The following CRAMP1 variants were observed in gnomAD, a reference collection of about 807,000 sequenced individuals.
CRAMP1 encodes protein cramped-like.
In CRAMP1, 50 loss-of-function variants were observed where a neutral mutation model predicts 115.4. The observed-to-expected ratio is 0.43, with a 90% CI of 0.35 to 0.55. The LOEUF (loss-of-function observed/expected upper bound fraction) is 0.55. Among genes scored for constraint, CRAMP1 ranks in the 20% least tolerant of loss-of-function variants. CRAMP1 has a pLI of 0.01. For synonymous variants in CRAMP1, 866 were observed against 745.4 expected (o/e 1.16, Z -2.64); for missense variants, 1,679 against 1,721.7 (o/e 0.98, Z 0.44).
chr16:1,631,301 C>A (rs1045606691), intron 3 of CRAMP1, among the ~76,000 whole-genome samples: 5 of 152,230 alleles, frequency 3.3e-5, no homozygotes, highest in African/African-American at 1.2e-4. Flanking sequence ...CTTTCTCGCC[C>A]CGTTGGTTCC....
At chr16:1,645,982 C>T (rs772814030) in intron 6 of CRAMP1, among the ~76,000 whole-genome samples, 5 of 152,182 alleles carry the variant, frequency 3.3e-5, no homozygotes, top group Non-Finnish European at 7.3e-5. Flanking sequence ...TCTCCGTTCC[C>T]TGTAATTTTG....
Position 1,614,985 on chromosome 16 carries a change from G to A in CRAMP1, c.346G>A (p.Gly116Arg). The change falls in exon 2 of 21, where the codon GGA (glycine) becomes AGA (arginine). Residue 116 changes from glycine (G) to arginine (R), a missense_variant and splice_region_variant. Transcript: ENST00000397412. The surrounding 1 kb of genome is among the most constrained non-coding windows in gnomAD (Gnocchi z 4.4). ...NAGGSGPRGK[G>R]AEGGGSSSGN... Reference sequence around the variant, plus strand: ...CGGTGGCTCGGGGCCCCGCGGAAAAGGTAGGGCGGCCCGTCCCCTTGGGAG... The same window carrying A: ...CGGTGGCTCGGGGCCCCGCGGAAAAAGTAGGGCGGCCCGTCCCCTTGGGAG... 2 of 1,251,482 alleles carry A rather than the reference G, an allele frequency of 1.6e-6. No individual in the cohort carries two copies. Among genetic ancestry groups the A allele is most frequent in the Non-Finnish European group, 2.0e-6 (2 of 997,162 alleles). The allele number at this position is 1,251,482 out of a possible 1,614,324, so 77.5% of individuals were successfully genotyped here.
chr16:1,616,017 G>T (rs567279032), intron 2 of CRAMP1, among the ~76,000 whole-genome samples: 1 of 152,160 alleles, frequency 6.6e-6, no homozygotes, highest in African/African-American at 2.4e-5. Flanking sequence ...TTCTCCTGCC[G>T]CATTCTCAAC....
intron 6 of CRAMP1, among the ~76,000 whole-genome samples, chr16:1,649,827 C>T (rs1177222167): frequency 2.9e-5 from 3 of 102,882 alleles, no homozygotes; most frequent in African/African-American, 1.2e-4. Flanking sequence ...GAGTTTCACT[C>T]TTGTTGCCCA....
intron 2 of CRAMP1, among the ~76,000 whole-genome samples, chr16:1,619,419 G>T (rs1161502847): frequency 1.3e-5 from 2 of 152,286 alleles, no homozygotes; most frequent in African/African-American, 4.8e-5. Flanking sequence ...GAGCTCAGGT[G>T]ATCCGCCTGC....
At chr16:1,665,250 G>T (rs2036864513) in intron 14 of CRAMP1, 112 bp downstream of exon 14, 1 of 750,112 alleles carries the variant, frequency 1.3e-6, no homozygotes, top group Non-Finnish European at 2.4e-6. Flanking sequence ...GCATTCCTTT[G>T]TCCATTCTAC....
intron 18 of CRAMP1, 149 bp from the exon 19 acceptor site, chr16:1,668,852 G>A (rs1021103397): frequency 1.9e-5 from 14 of 731,832 alleles, no homozygotes; most frequent in South Asian, 1.0e-4. Flanking sequence ...GCGGTGCTGC[G>A]CTCCTTACCT....
intron 3 of CRAMP1, among the ~76,000 whole-genome samples, chr16:1,627,555 A>G (rs957913540): frequency 1.3e-5 from 2 of 152,224 alleles, no homozygotes; most frequent in Non-Finnish European, 2.9e-5. Flanking sequence ...AAATGTGGGC[A>G]TGAGACTTGA....
chr16:1,613,656 G>A (rs1567443895), intron 1 of CRAMP1, among the ~76,000 whole-genome samples: 1 of 152,136 alleles, frequency 6.6e-6, no homozygotes, highest in African/African-American at 2.4e-5. Context: ...ACTGCACTTT[G>A]TTGTTGACAT....
Position 1,656,448 on chromosome 16 carries a change from A to G in CRAMP1, c.1691A>G (p.Tyr564Cys), listed in dbSNP as rs1336683765. 6.3e-7 allele frequency: 1 copy of G among 1,583,628 alleles called. No individual in the cohort carries two copies. The highest frequency in any genetic ancestry group is 8.6e-7 in the Non-Finnish European group (1 of 1,165,558). ...ELSLLDPLPRYLKSCQDLIVP... is the reference protein window; with the variant it reads ...ELSLLDPLPRCLKSCQDLIVP... Reference sequence around the variant, plus strand: ...TCGCTTCTAGACCCCTTGCCCCGCTACCTAAAGTCCTGTCAGGACCTCATT... The same window carrying G: ...TCGCTTCTAGACCCCTTGCCCCGCTGCCTAAAGTCCTGTCAGGACCTCATT... Residue 564 changes from tyrosine to cysteine, a missense_variant, in exon 10 of 21, where the codon TAC (tyrosine) becomes TGC (cysteine). This residue lies in a region of CRAMP1 where 405 missense variants were observed against 302.6 expected (regional missense o/e 1.34). Transcript: ENST00000397412. The surrounding 1 kb of genome is among the most constrained non-coding windows in gnomAD (Gnocchi z 5.6).
intron 5 of CRAMP1, among the ~76,000 whole-genome samples, chr16:1,639,458 T>C (rs1056995094): frequency 1.3e-5 from 2 of 151,318 alleles, no homozygotes; most frequent in African/African-American, 4.9e-5. Flanking sequence ...AATGAAGTAG[T>C]GGCCAGCAAT....
intron 3 of CRAMP1, among the ~76,000 whole-genome samples, chr16:1,630,383 C>T (rs2036539913): frequency 6.6e-6 from 1 of 152,134 alleles, no homozygotes; most frequent in Non-Finnish European, 1.5e-5. Context: ...AACTCCTGGG[C>T]TCAAGCAATT....
chr16:1,654,641 A>G (rs1163807255), intron 8 of CRAMP1, among the ~76,000 whole-genome samples: 1 of 151,100 alleles, frequency 6.6e-6, no homozygotes, highest in African/African-American at 2.4e-5. Context: ...CTCAGCACTC[A>G]CTCCTCTATT....
rs954116609 is a variant in CRAMP1, at chr16:1,677,576, G to T, written c.*3531G>T. 6.6e-6 allele frequency: 1 copy of T among 152,662 alleles called. No individual in the cohort carries two copies. The highest frequency in any genetic ancestry group is 2.4e-5 in the African/African-American group (1 of 41,460). 9.5% of individuals were successfully genotyped at this position (152,662 alleles called of 1,614,324 possible). ...GTCCTTGGGGTGGGTGAGGTGTGGGGAGCCCAGCCCCTGGCCCTGCCTCCC... is the reference window on the plus strand; with the variant it reads ...GTCCTTGGGGTGGGTGAGGTGTGGGTAGCCCAGCCCCTGGCCCTGCCTCCC... On this transcript the variant is annotated 3_prime_UTR_variant, in exon 21 of 21. Coordinates refer to ENST00000397412, the MANE Select transcript of CRAMP1 (RefSeq NM_020825.4).
intron 11 of CRAMP1, among the ~76,000 whole-genome samples, chr16:1,661,160 A>G (rs376732086): frequency 9.4e-4 from 143 of 152,270 alleles, no homozygotes; most frequent in African/African-American, 3.2e-3. Flanking sequence ...TACAAAATAT[A>G]AAAATAAAAA....
At chr16:1,619,887 C>T (rs991750052) in intron 2 of CRAMP1, among the ~76,000 whole-genome samples, 14 of 152,144 alleles carry the variant, frequency 9.2e-5, no homozygotes, top group Non-Finnish European at 1.3e-4. Context: ...CTGACCAGGG[C>T]TCTTGCAGGC....
intron 10 of CRAMP1, 24 bp downstream of exon 10, chr16:1,657,016 C>T (rs1232628901): frequency 8.8e-6 from 13 of 1,477,642 alleles, no homozygotes; most frequent in East Asian, 2.4e-5. Context: ...AGCCCAGCCC[C>T]TCTGGCGGCC....
At chr16:1,673,788 G>A (rs1158217301) in intron 20 of CRAMP1, 93 bp from the exon 21 acceptor site, 45 of 1,197,904 alleles carry the variant, frequency 3.8e-5, no homozygotes, top group South Asian at 5.3e-5. Flanking sequence ...AGCGGGAGTC[G>A]ATAGGAGCTT....
chr16:1,637,533 G>A (rs972236968), intron 4 of CRAMP1, among the ~76,000 whole-genome samples: 4 of 152,210 alleles, frequency 2.6e-5, no homozygotes, highest in Non-Finnish European at 5.9e-5. Context: ...CCACCTTCAC[G>A]AGTACCAGCT....
Sources: allele counts gnomAD v4.1 joint callset (sites outside exome capture counted in the v4.1 genomes callset), GRCh38; gene constraint gnomAD v4.1.1; regional missense constraint gnomAD v4.1.1; non-coding constraint Gnocchi (gnomAD v3.1); transcripts MANE v1.5; gene names NCBI Gene and HGNC (gene_info 2026-07-23, HGNC 2026-07-21).